ELFN2: variants seen among roughly 807,000 people sequenced by gnomAD.
ELFN2 encodes extracellular leucine rich repeat and fibronectin type III domain containing 2.
A neutral mutation model predicts 45.5 loss-of-function variants in ELFN2; 17 were observed. That is an observed-to-expected ratio of 0.37 (90% CI 0.26 to 0.56). The LOEUF is 0.56. Among genes scored for constraint, ELFN2 ranks in the 20% least tolerant of loss-of-function variants. The pLI is 0.77. For synonymous variants in ELFN2, 550 were observed against 551.5 expected, an observed-to-expected ratio of 1.00 and a Z score of 0.04; for missense variants, 922 against 1,183.2, an observed-to-expected ratio of 0.78 and a Z score of 3.24.
At chr22:37,388,403 T>C (rs1251933632) in intron 2 of ELFN2, among the ~76,000 whole-genome samples, 1 of 152,212 alleles carries the variant, frequency 6.6e-6, no homozygotes, top group Non-Finnish European at 1.5e-5. Context: ...GGAAGGGTCC[T>C]GCTTCTCCTA....
intron 2 of ELFN2, among the ~76,000 whole-genome samples, chr22:37,387,574 C>G (rs1241778354): frequency 6.6e-6 from 1 of 152,192 alleles, no homozygotes; most frequent in Non-Finnish European, 1.5e-5. Flanking sequence ...CTCGTCCGCG[C>G]TGGTGCCAGG....
At chr22:37,411,491 C>A (rs1932648186) in intron 2 of ELFN2, among the ~76,000 whole-genome samples, 1 of 152,188 alleles carries the variant, frequency 6.6e-6, no homozygotes, top group Admixed American at 6.5e-5. Flanking sequence ...TGTGCCCCCA[C>A]AGACCTCAGA....
At chr22:37,398,588 G>A (rs145013854) in intron 2 of ELFN2, among the ~76,000 whole-genome samples, 21 of 151,818 alleles carry the variant, frequency 1.4e-4, no homozygotes, top group Non-Finnish European at 2.6e-4. Flanking sequence ...CTCCCGCAGC[G>A]CACTCACATC....
chr22:37,395,717 C>T (rs1287000937), intron 2 of ELFN2, among the ~76,000 whole-genome samples: 1 of 152,164 alleles, frequency 6.6e-6, no homozygotes, highest in East Asian at 1.9e-4. Flanking sequence ...GCACAATATC[C>T]GTGCACCCAG....
At chr22:37,342,392 C>T (rs1930579477) in intron 2 of ELFN2, among the ~76,000 whole-genome samples, 2 of 152,190 alleles carry the variant, frequency 1.3e-5, no homozygotes, top group African/African-American at 4.8e-5. Context: ...CTGCCCACCC[C>T]CTGTCCTCTT....
At chr22:37,426,857 G>C (rs1932855647) in intron 1 of ELFN2, 1 of 90,806 alleles carries the variant, frequency 1.1e-5, no homozygotes, top group Non-Finnish European at 2.1e-5. Context: ...CATCCACCCC[G>C]TCAACCCCTC....
chr22:37,392,249 C>T (rs1015470057), intron 2 of ELFN2, among the ~76,000 whole-genome samples: 5 of 152,044 alleles, frequency 3.3e-5, no homozygotes, highest in Non-Finnish European at 7.4e-5. Context: ...GATTCTCTCA[C>T]ATTTCATCCT....
At chr22:37,353,691 G>T (rs1015942) in intron 1 of ELFN2, 1 of 150,368 alleles carries the variant, frequency 6.7e-6, no homozygotes. Context: ...AGGGAAATGC[G>T]AATTAAAATC....
At chr22:37,419,108 CT>C (rs1932789368) in intron 1 of ELFN2, among the ~76,000 whole-genome samples, 1 of 152,026 alleles carries the variant, frequency 6.6e-6, no homozygotes, top group East Asian at 1.9e-4. Context: ...CCACCAAGTG[CT>C]GGCAGCCAGC....
rs552236703 is a variant in ELFN2 at position 37,406,547 on chromosome 22, G to A, written c.-463+11222C>T. On this transcript the variant is annotated intron_variant, in intron 2 of 2. Coordinates refer to ENST00000402918, the MANE Select transcript of ELFN2 (RefSeq NM_052906.5). Reference sequence around the variant, plus strand: ...GCCCCTGCAGCAAGCACACAGCCACGCGTGTGCCGCCCCAGCCCCGTGACC... The same window carrying A: ...GCCCCTGCAGCAAGCACACAGCCACACGTGTGCCGCCCCAGCCCCGTGACC... 5.3e-5 allele frequency among the ~76,000 whole-genome samples: 8 copies of A among 149,888 alleles called. No homozygotes were observed. In the East Asian group the frequency reaches 1.0e-3, roughly 19 times the overall value.
At chr22:37,355,105 G>T (rs538706912) in intron 1 of ELFN2, among the ~76,000 whole-genome samples, 1 of 152,322 alleles carries the variant, frequency 6.6e-6, no homozygotes, top group South Asian at 2.1e-4. Context: ...GCGCTCTGCT[G>T]TGTTCCATGA....
intron 2 of ELFN2, among the ~76,000 whole-genome samples, chr22:37,378,207 G>A (rs575615793): frequency 1.2e-4 from 18 of 152,358 alleles, no homozygotes; most frequent in African/African-American, 4.3e-4. Context: ...ATGTGCTTGT[G>A]TGTGCAGGGG....
chr22:37,366,218 G>T (rs147381170), downstream of ELFN2, among the ~76,000 whole-genome samples: 19 of 152,318 alleles, frequency 1.2e-4, no homozygotes, highest in East Asian at 3.7e-3. Flanking sequence ...TGTTAAATGT[G>T]CTCTGTTTAG....
At chr22:37,389,299 T>TG (rs1227858246) in intron 2 of ELFN2, among the ~76,000 whole-genome samples, 2 of 152,134 alleles carry the variant, frequency 1.3e-5, no homozygotes, top group East Asian at 3.9e-4. Context: ...CAACCCAACC[T>TG]GTGGCCCTAG....
Position 37,374,281 on chromosome 22 carries a change from G to C in ELFN2, c.1254C>G (p.Cys418Trp). The C allele has an allele frequency of 6.2e-7, 1 of 1,613,858 alleles. No individual in the cohort carries two copies. The highest frequency in any genetic ancestry group is 8.5e-7 in the Non-Finnish European group (1 of 1,179,884). Residue 418 changes from cysteine (C) to tryptophan (W), a missense_variant, in exon 3 of 3, where the codon TGC becomes TGG. This residue lies in a region of ELFN2 where 564 missense variants were observed against 642.8 expected (regional missense o/e 0.88). Coordinates refer to ENST00000402918, the MANE Select transcript of ELFN2 (RefSeq NM_052906.5). ...MVIVLGAVYY[C>W]LRKRRMQEEK... ...CCTCCTGCATGCGCCGCTTGCGCAG[G>C]CAGTAGTACACGGCTCCCAGCACGA...
chr22:37,415,232 C>A (rs1932745247), intron 2 of ELFN2, among the ~76,000 whole-genome samples: 1 of 152,238 alleles, frequency 6.6e-6, no homozygotes, highest in Non-Finnish European at 1.5e-5. Context: ...AAATGGTAGA[C>A]AGGACAGTCT....
intron 2 of ELFN2, among the ~76,000 whole-genome samples, chr22:37,377,225 G>A (rs1300028495): frequency 1.3e-5 from 2 of 152,216 alleles, no homozygotes; most frequent in East Asian, 3.9e-4. Flanking sequence ...CACAGACTCA[G>A]GGGAGACTTG....
chr22:37,426,144 C>G (rs1156399370), intron 1 of ELFN2, among the ~76,000 whole-genome samples: 1 of 152,064 alleles, frequency 6.6e-6, no homozygotes, highest in Non-Finnish European at 1.5e-5. Context: ...CCAGCCGCAG[C>G]TGCTGGGTGG....
intron 2 of ELFN2, among the ~76,000 whole-genome samples, chr22:37,415,894 C>T (rs1010675667): frequency 2.0e-5 from 3 of 152,140 alleles, no homozygotes; most frequent in African/African-American, 2.4e-5. Context: ...ACCCGGGAGA[C>T]GGAGGTTGCA....
Sources: gnomAD v4.1 joint callset for allele counts (sites outside exome capture counted in the v4.1 genomes callset) on GRCh38, gnomAD v4.1.1 for gene constraint, gnomAD v4.1.1 regional missense constraint, MANE v1.5 for transcripts, NCBI Gene and HGNC (gene_info 2026-07-23, HGNC 2026-07-21) for gene names.